Variants in PPP2R5E observed in about 807,000 individuals in gnomAD.
The protein encoded by PPP2R5E is protein phosphatase 2 regulatory subunit B'epsilon.
Under a neutral mutation model 65.3 loss-of-function variants are expected in PPP2R5E, and 4 were observed. The observed-to-expected ratio is 0.06, with a 90% confidence interval of 0.03 to 0.14. The LOEUF is 0.14. Ranked by LOEUF, PPP2R5E falls within the 10% of genes least tolerant of loss-of-function variation. The pLI is 1.00. For missense variants in PPP2R5E, 274 were observed against 556.1 expected (o/e 0.49, Z 5.10); for synonymous variants, 183 against 187.4 (o/e 0.98, Z 0.19).
At chr14:63,420,966 T>C (rs12880604) in intron 4 of PPP2R5E, among the ~76,000 whole-genome samples, 1 of 110,784 alleles carries the variant, frequency 9.0e-6, no homozygotes, top group East Asian at 2.8e-4. Flanking sequence ...GGCAGGAGAA[T>C]GGCGTGAACC....
intron 2 of PPP2R5E, among the ~76,000 whole-genome samples, chr14:63,488,719 C>T (rs945743161): frequency 6.6e-6 from 1 of 151,858 alleles, no homozygotes; most frequent in African/African-American, 2.4e-5. Context: ...CGTGGTGGCG[C>T]ATACCTGTAG....
chr14:63,505,206 G>C (rs1892100603), intron 2 of PPP2R5E, among the ~76,000 whole-genome samples: 1 of 152,048 alleles, frequency 6.6e-6, no homozygotes, highest in African/African-American at 2.4e-5. Context: ...ATGTTTGCTT[G>C]AACCCCAGCA....
chr14:63,457,046 G>C (rs546207355), intron 2 of PPP2R5E, among the ~76,000 whole-genome samples: 1 of 152,270 alleles, frequency 6.6e-6, no homozygotes, highest in Admixed American at 6.5e-5. Context: ...AACAATTTAG[G>C]AAAGTTTTAT....
chr14:63,386,977 C>T (rs1031732897), intron 11 of PPP2R5E, among the ~76,000 whole-genome samples: 3 of 145,238 alleles, frequency 2.1e-5, no homozygotes, highest in Admixed American at 6.8e-5. Flanking sequence ...CATTTAAGCT[C>T]GGCTTCGAAG....
At chr14:63,476,275 T>C (rs1454853827) in intron 2 of PPP2R5E, among the ~76,000 whole-genome samples, 5 of 152,114 alleles carry the variant, frequency 3.3e-5, no homozygotes, top group Admixed American at 2.0e-4. Context: ...GTTGTTGTTG[T>C]TCTCATGGAA....
intron 2 of PPP2R5E, among the ~76,000 whole-genome samples, chr14:63,531,197 A>G (rs1222208709): frequency 2.0e-5 from 3 of 152,162 alleles, no homozygotes; most frequent in Non-Finnish European, 4.4e-5. Context: ...AAAAAATAAC[A>G]TATGTATACA....
At chr14:63,415,455 T>A (rs1367652118) in intron 4 of PPP2R5E, among the ~76,000 whole-genome samples, 1 of 152,022 alleles carries the variant, frequency 6.6e-6, no homozygotes, top group Non-Finnish European at 1.5e-5. Context: ...CAAAGAAAAA[T>A]TTCCCATAAT....
At position 63,528,941 on chromosome 14, in the gene PPP2R5E, C is replaced by CA. The variant is rs551917235; in HGVS notation, c.157+10587dup. ...TTTTAATGGGGGAGGGGAGATATAT[C>CA]AGACAAGTGAACAAACAAAGATAAA... On this transcript the variant is annotated intron_variant, in intron 2 of 13. Coordinates refer to ENST00000337537, the MANE Select transcript of PPP2R5E (RefSeq NM_006246.5). Among the ~76,000 whole-genome samples the CA allele has an allele frequency of 1.5e-4, 23 of 152,228 alleles. No homozygotes were observed. In the South Asian group the frequency reaches 4.8e-3, roughly 32 times the overall value.
intron 2 of PPP2R5E, among the ~76,000 whole-genome samples, chr14:63,463,895 C>T (rs1043471391): frequency 1.3e-5 from 2 of 151,838 alleles, no homozygotes; most frequent in South Asian, 2.1e-4. Context: ...CGCGCCCGGC[C>T]GAATTGACTT....
chr14:63,523,523 G>C (rs1256620355), intron 2 of PPP2R5E, among the ~76,000 whole-genome samples: 3 of 151,798 alleles, frequency 2.0e-5, no homozygotes, highest in African/African-American at 4.8e-5. Flanking sequence ...TGCTCGTTAA[G>C]AGTCATCACC....
intron 2 of PPP2R5E, among the ~76,000 whole-genome samples, chr14:63,459,693 T>C (rs1228201886): frequency 6.6e-6 from 1 of 152,220 alleles, no homozygotes; most frequent in African/African-American, 2.4e-5. Flanking sequence ...GGTGATGTGA[T>C]ATTTCACTGC....
rs1329002564 is a variant in PPP2R5E at position 63,431,888 on chromosome 14, T to C, written c.355-9794A>G. On this transcript the variant is annotated intron_variant, in intron 3 of 13. Transcript: ENST00000337537. ...ATACTTTAGGAATAATTAGTAATTA[T>C]TGTTACACATTTAATGTCATACTTA... Among the ~76,000 whole-genome samples, 4 of 152,206 alleles carry C rather than the reference T, an allele frequency of 2.6e-5. No individual in the cohort carries two copies. In the East Asian group the frequency reaches 5.8e-4, roughly 22 times the overall value.
chr14:63,455,607 TTCAG>T (rs1378710367), intron 2 of PPP2R5E, among the ~76,000 whole-genome samples: 1 of 152,178 alleles, frequency 6.6e-6, no homozygotes, highest in Non-Finnish European at 1.5e-5. Flanking sequence ...AAGAACTAAA[TTCAG>T]TCAGACCAAA....
intron 2 of PPP2R5E, among the ~76,000 whole-genome samples, chr14:63,501,330 G>A (rs142546285): frequency 0.012 from 1,792 of 151,878 alleles, 32 homozygotes; most frequent in African/African-American, 0.041. Context: ...GCGTGAACCC[G>A]GGAGGCGGAG....
At chr14:63,409,166 G>C (rs1369798069) in intron 5 of PPP2R5E, among the ~76,000 whole-genome samples, 1 of 152,194 alleles carries the variant, frequency 6.6e-6, no homozygotes, top group African/African-American at 2.4e-5. Context: ...CCAGGAGGCG[G>C]AGGTTGCAGT....
At chr14:63,393,489 G>A (rs758480208) in intron 8 of PPP2R5E, among the ~76,000 whole-genome samples, 40 of 152,254 alleles carry the variant, frequency 2.6e-4, no homozygotes, top group Non-Finnish European at 4.7e-4. Context: ...CAAGGTGGGC[G>A]GATCATGAGG....
chr14:63,489,859 G>A (rs1891201944), intron 2 of PPP2R5E, among the ~76,000 whole-genome samples: 1 of 151,968 alleles, frequency 6.6e-6, no homozygotes, highest in African/African-American at 2.4e-5. Context: ...TATGTTTAAA[G>A]AATACATGGA....
Position 63,542,826 on chromosome 14 carries a change from G to C in PPP2R5E, c.-55C>G, listed in dbSNP as rs1362063089. On this transcript the variant is annotated 5_prime_UTR_variant, in exon 1 of 14. Coordinates refer to ENST00000337537, the MANE Select transcript of PPP2R5E (RefSeq NM_006246.5). ...CCAAAGATGATCTGTGGCTTGGAGG[G>C]GCGGGAGACGGGCGAGGTGGCCGCA... 1 of 153,946 alleles carries C rather than the reference G, an allele frequency of 6.5e-6. No individual in the cohort carries two copies. The highest frequency in any genetic ancestry group is 1.5e-5 in the Non-Finnish European group (1 of 68,540). 9.5% of individuals were successfully genotyped at this position (153,946 alleles called of 1,614,324 possible).
intron 2 of PPP2R5E, among the ~76,000 whole-genome samples, chr14:63,510,578 T>TA (rs1892408851): frequency 6.6e-6 from 1 of 152,074 alleles, no homozygotes; most frequent in Admixed American, 6.6e-5. Context: ...CTTAAAGAAG[T>TA]AAAGAAAGGA....
Sources: gnomAD v4.1 joint callset for allele counts (sites outside exome capture counted in the v4.1 genomes callset) on GRCh38, gnomAD v4.1.1 for gene constraint, MANE v1.5 for transcripts, NCBI Gene and HGNC (gene_info 2026-07-23, HGNC 2026-07-21) for gene names.